MALRD1: variants seen among roughly 807,000 people sequenced by gnomAD.
MALRD1 encodes MAM and LDL receptor class A domain containing 1, also known as MAM and LDL-receptor class A domain-containing protein 1.
MALRD1 carries 247 observed loss-of-function variants against 242.1 expected under a neutral mutation model. The observed-to-expected ratio is 1.02, with a 90% confidence interval of 0.92 to 1.13. The LOEUF (loss-of-function observed/expected upper bound fraction) is 1.13, where lower values mean the gene tolerates loss of function less well. MALRD1 is among the 50% of genes most tolerant of loss of function. The pLI, the probability that MALRD1 is intolerant of heterozygous loss-of-function variation, is 0.00. For missense variants in MALRD1, 2,989 were observed against 2,533.1 expected, an observed-to-expected ratio of 1.18 and a Z score of -3.86; for synonymous variants, 995 against 866.6, an observed-to-expected ratio of 1.15 and a Z score of -2.60.
intron 18 of MALRD1, among the ~76,000 whole-genome samples, chr10:19,248,366 T>C (rs1376822131): frequency 6.6e-6 from 1 of 150,934 alleles, no homozygotes; most frequent in African/African-American, 2.4e-5. Context: ...CAAAGTCAGT[T>C]ACATAATGAA....
intron 8 of MALRD1, among the ~76,000 whole-genome samples, chr10:19,132,245 C>T (rs1175329739): frequency 6.6e-6 from 1 of 152,162 alleles, no homozygotes; most frequent in African/African-American, 2.4e-5. Context: ...TCACTAAAAG[C>T]ATCTGTGTAG....
intron 36 of MALRD1, among the ~76,000 whole-genome samples, chr10:19,638,996 G>A (rs1281066227): frequency 3.3e-5 from 5 of 151,746 alleles, no homozygotes; most frequent in South Asian, 2.1e-4. Context: ...GGGTGGGAGC[G>A]GGGTGAAGGT....
chr10:19,137,717 T>C (rs1052064370), intron 10 of MALRD1, among the ~76,000 whole-genome samples: 2 of 151,870 alleles, frequency 1.3e-5, no homozygotes, highest in African/African-American at 4.8e-5. Flanking sequence ...GAGTCTTTGA[T>C]AGAAGTGATG....
At chr10:19,282,494 C>G (rs891491574) in intron 20 of MALRD1, among the ~76,000 whole-genome samples, 1 of 152,148 alleles carries the variant, frequency 6.6e-6, no homozygotes, top group Non-Finnish European at 1.5e-5. Flanking sequence ...CAGTTTTACA[C>G]ATAACCTGTA....
intron 26 of MALRD1, among the ~76,000 whole-genome samples, chr10:19,363,194 A>G (rs1844968093): frequency 6.6e-6 from 1 of 152,162 alleles, no homozygotes; most frequent in Non-Finnish European, 1.5e-5. Flanking sequence ...ATATAAAATC[A>G]TCAAAGAATG....
At chr10:19,693,715 GA>G (rs2131827817) in intron 38 of MALRD1, among the ~76,000 whole-genome samples, 1 of 152,162 alleles carries the variant, frequency 6.6e-6, no homozygotes, top group East Asian at 1.9e-4. Flanking sequence ...CACAGAATTG[GA>G]AAAAACTACT....
intron 2 of MALRD1, among the ~76,000 whole-genome samples, chr10:19,072,711 C>G (rs1418520581): frequency 6.6e-6 from 1 of 152,010 alleles, no homozygotes; most frequent in East Asian, 1.9e-4. Flanking sequence ...AAAAGTGAAG[C>G]AAACTTTATT....
intron 13 of MALRD1, among the ~76,000 whole-genome samples, chr10:19,171,457 T>TATATACAC (rs1166665866): frequency 8.3e-4 from 62 of 74,536 alleles, no homozygotes; most frequent in East Asian, 4.7e-3. Context: ...TATATATATA[T>TATATACAC]ACACACATGT....
chr10:19,272,084 T>G (rs1238171013), intron 19 of MALRD1, among the ~76,000 whole-genome samples: 2 of 152,050 alleles, frequency 1.3e-5, no homozygotes, highest in African/African-American at 4.8e-5. Flanking sequence ...AACTGGCTAT[T>G]TATATAAATT....
At chr10:19,470,252 A>G (rs1411031657) in intron 29 of MALRD1, among the ~76,000 whole-genome samples, 2 of 151,928 alleles carry the variant, frequency 1.3e-5, no homozygotes, top group African/African-American at 2.4e-5. Flanking sequence ...AGAGTCACCC[A>G]TGTTGTCCCA....
intron 21 of MALRD1, among the ~76,000 whole-genome samples, chr10:19,307,369 T>C (rs987142887): frequency 2.0e-5 from 3 of 151,536 alleles, no homozygotes; most frequent in African/African-American, 4.8e-5. Flanking sequence ...CCGATTTCTA[T>C]GAGCCCTCAA....
intron 13 of MALRD1, among the ~76,000 whole-genome samples, chr10:19,171,658 C>CTATGTGTGTATATAAATACACACATA (rs1036103925): frequency 7.9e-5 from 11 of 139,360 alleles, no homozygotes; most frequent in East Asian, 4.3e-4. Context: ...ATATATATGT[C>CTATGTGTGTATATAAATACACACATA]TATGTGTGTA....
chr10:19,658,162 CA>C (rs34596840), intron 36 of MALRD1, among the ~76,000 whole-genome samples: 19 of 150,150 alleles, frequency 1.3e-4, no homozygotes, highest in Admixed American at 9.3e-4. Flanking sequence ...ACAAAGCAAA[CA>C]AAAAAAAACC....
chr10:19,705,638 A>G (rs1035609388), intron 38 of MALRD1, among the ~76,000 whole-genome samples: 12 of 152,112 alleles, frequency 7.9e-5, no homozygotes, highest in Admixed American at 2.6e-4. Flanking sequence ...GGCCACCAGC[A>G]TGATTCCTCC....
rs929252174 is a variant in MALRD1 at position 19,680,411 on chromosome 10, T to C, written c.6138-11871T>C. On this transcript the variant is annotated intron_variant, in intron 36 of 39. Coordinates refer to ENST00000454679, the MANE Select transcript of MALRD1 (RefSeq NM_001142308.3). ...ATGTAATGCCCTTCTTTGTCTTTTT[T>C]GATCTTTGTTGGTTTAAAGTGTGTT... Among the ~76,000 whole-genome samples the C allele has an allele frequency of 2.0e-5, 3 of 152,182 alleles. No homozygotes were observed. The East Asian group carries it at 5.8e-4, about 29-fold the overall frequency.
At chr10:19,405,772 G>C (rs1020331280) in intron 28 of MALRD1, among the ~76,000 whole-genome samples, 2 of 152,054 alleles carry the variant, frequency 1.3e-5, no homozygotes, top group African/African-American at 4.8e-5. Context: ...GGAGCCACAT[G>C]TTCTATTCTT....
At chr10:19,710,728 A>T (rs1037482223) in intron 38 of MALRD1, 1 of 152,216 alleles carries the variant, frequency 6.6e-6, no homozygotes, top group Non-Finnish European at 1.5e-5. Flanking sequence ...TCATTTCGTC[A>T]GTATAATATC....
rs977418208 is a variant in MALRD1, at chr10:19,320,406, T to C, written c.3420-3543T>C. 2.0e-5 allele frequency among the ~76,000 whole-genome samples: 3 copies of C among 152,134 alleles called. No homozygotes were observed. In the East Asian group the frequency reaches 5.8e-4, roughly 29 times the overall value. On this transcript the variant is annotated intron_variant, in intron 21 of 39. Coordinates refer to ENST00000454679, the MANE Select transcript of MALRD1 (RefSeq NM_001142308.3). ...CCCTGCAAAGGACATGAACTCATTC[T>C]TTTTTATGGCTGCACAGTATTCCAT...
At chr10:19,720,471 G>A (rs1441274313) in intron 38 of MALRD1, among the ~76,000 whole-genome samples, 1 of 152,114 alleles carries the variant, frequency 6.6e-6, no homozygotes, top group Non-Finnish European at 1.5e-5. Context: ...CATCTGGTTT[G>A]TTTGTTTCTT....
Sources: allele counts gnomAD v4.1 joint callset (sites outside exome capture counted in the v4.1 genomes callset), GRCh38; gene constraint gnomAD v4.1.1; transcripts MANE v1.5; gene names NCBI Gene and HGNC (gene_info 2026-07-23, HGNC 2026-07-21).